Variants in ADAMTSL1 observed in about 807,000 individuals in gnomAD.
ADAMTSL1 encodes ADAMTS-like protein 1.
Under a neutral mutation model 201.8 loss-of-function variants are expected in ADAMTSL1, and 126 were observed. The observed-to-expected ratio is 0.62, with a 90% CI of 0.54 to 0.72. ADAMTSL1 has a LOEUF of 0.72. Ranked by LOEUF, ADAMTSL1 falls within the 30% of genes least tolerant of loss-of-function variation. ADAMTSL1 has a pLI of 0.00. For synonymous variants in ADAMTSL1, 1,121 were observed against 903.4 expected (o/e 1.24, Z -4.32); for missense variants, 2,679 against 2,277.8 (o/e 1.18, Z -3.59).
At chr9:18,262,388 C>T (rs569366579) in intron 2 of ADAMTSL1, among the ~76,000 whole-genome samples, 18 of 152,260 alleles carry the variant, frequency 1.2e-4, no homozygotes, top group South Asian at 2.1e-4. Flanking sequence ...TTCAAGAGAA[C>T]GTGAAAATCC....
intron 20 of ADAMTSL1, among the ~76,000 whole-genome samples, chr9:18,796,061 G>A (rs1257202098): frequency 6.6e-6 from 1 of 152,136 alleles, no homozygotes; most frequent in African/African-American, 2.4e-5. Flanking sequence ...TATCCATTGA[G>A]GTTAGACAAT....
chr9:18,370,692 T>C (rs1320354130), intron 2 of ADAMTSL1, among the ~76,000 whole-genome samples: 1 of 125,930 alleles, frequency 7.9e-6, no homozygotes, highest in Non-Finnish European at 1.6e-5. Context: ...GTAGAGCGTC[T>C]TTTTTTTTTT....
chr9:18,175,107 A>G (rs1393001397), intron 2 of ADAMTSL1, among the ~76,000 whole-genome samples: 3 of 152,180 alleles, frequency 2.0e-5, no homozygotes, highest in Non-Finnish European at 4.4e-5. Flanking sequence ...AGAGCTGAAA[A>G]CCTGAGGAGG....
intron 1 of ADAMTSL1, among the ~76,000 whole-genome samples, chr9:17,963,772 T>A (rs1817855262): frequency 6.6e-6 from 1 of 152,076 alleles, no homozygotes; most frequent in South Asian, 2.1e-4. Flanking sequence ...TGTTAATAGA[T>A]CCCTTCATTT....
chr9:18,460,666 T>C (rs1820776354), intron 2 of ADAMTSL1, among the ~76,000 whole-genome samples: 1 of 152,210 alleles, frequency 6.6e-6, no homozygotes, highest in Admixed American at 6.5e-5. Flanking sequence ...TCAGCTTCTT[T>C]TCATTGCTTT....
intron 20 of ADAMTSL1, among the ~76,000 whole-genome samples, chr9:18,806,156 C>T (rs1490045738): frequency 1.3e-5 from 2 of 152,182 alleles, no homozygotes; most frequent in African/African-American, 4.8e-5. Flanking sequence ...TTCATTAAGC[C>T]TGGGTTAAAT....
At chr9:18,262,524 T>G (rs1831963430) in intron 2 of ADAMTSL1, among the ~76,000 whole-genome samples, 1 of 152,198 alleles carries the variant, frequency 6.6e-6, no homozygotes, top group Non-Finnish European at 1.5e-5. Context: ...CCACTGAGCT[T>G]CTTCTATTCT....
chr9:18,541,930 T>C (rs1383043826), intron 3 of ADAMTSL1, among the ~76,000 whole-genome samples: 2 of 152,210 alleles, frequency 1.3e-5, no homozygotes, highest in Non-Finnish European at 2.9e-5. Context: ...TTGTTAAAAG[T>C]TTAAAAAAGC....
At chr9:18,106,209 C>G (rs970632892) in intron 1 of ADAMTSL1, among the ~76,000 whole-genome samples, 3 of 152,200 alleles carry the variant, frequency 2.0e-5, no homozygotes, top group Non-Finnish European at 2.9e-5. Context: ...ATCTTGTTCT[C>G]CCTGCTTCTG....
At position 18,680,421 on chromosome 9, in the gene ADAMTSL1, G is replaced by C. The variant is rs1342702139; in HGVS notation, c.1246G>C (p.Glu416Gln). The change falls in exon 11 of 29, where the codon GAA (glutamate) becomes CAA (glutamine). Residue 416 changes from glutamate to glutamine, a missense_variant. Physicochemically the swap from Glu to Gln is conservative, Grantham distance 29. Coordinates refer to ENST00000380548, the MANE Select transcript of ADAMTSL1 (RefSeq NM_001040272.6). Reference sequence around the variant, plus strand: ...CATCCAGGGGCATGTCACTTCAGTGGAAGAGTGGAAATGCATGTACACCCC... The same window carrying C: ...CATCCAGGGGCATGTCACTTCAGTGCAAGAGTGGAAATGCATGTACACCCC... ...EDIQGHVTSV[E>Q]EWKCMYTPKM... The C allele has an allele frequency of 6.2e-7, 1 of 1,614,178 alleles. No homozygotes were observed. The highest frequency in any genetic ancestry group is 2.2e-5 in the East Asian group (1 of 44,882).
intron 1 of ADAMTSL1, among the ~76,000 whole-genome samples, chr9:18,112,700 C>A (rs1215819117): frequency 6.6e-6 from 1 of 152,092 alleles, no homozygotes; most frequent in African/African-American, 2.4e-5. Flanking sequence ...GCACAATACA[C>A]AGCAGTTATT....
chr9:18,580,276 C>A (rs1823015339), intron 4 of ADAMTSL1, among the ~76,000 whole-genome samples: 1 of 152,066 alleles, frequency 6.6e-6, no homozygotes, highest in Non-Finnish European at 1.5e-5. Context: ...TCAAAATGAA[C>A]CATATTTCTA....
chr9:18,138,155 A>G (rs1012206204), intron 1 of ADAMTSL1, among the ~76,000 whole-genome samples: 2 of 152,146 alleles, frequency 1.3e-5, no homozygotes, highest in Admixed American at 6.6e-5. Context: ...GGGTGATGGA[A>G]CTCACCTCAT....
intron 2 of ADAMTSL1, among the ~76,000 whole-genome samples, chr9:18,382,161 T>C (rs575367417): frequency 2.0e-5 from 3 of 152,232 alleles, no homozygotes; most frequent in African/African-American, 4.8e-5. Flanking sequence ...CCTTGGAAAA[T>C]GAGTGGCTTT....
At chr9:18,024,852 C>T (rs1161340622) in intron 1 of ADAMTSL1, among the ~76,000 whole-genome samples, 1 of 152,086 alleles carries the variant, frequency 6.6e-6, no homozygotes, top group East Asian at 1.9e-4. Context: ...AATTGTTTTC[C>T]AGAGAGGGTG....
intron 2 of ADAMTSL1, among the ~76,000 whole-genome samples, chr9:18,284,509 G>A (rs1430131173): frequency 2.0e-5 from 3 of 152,066 alleles, no homozygotes; most frequent in African/African-American, 7.2e-5. Context: ...TTAATGAAAT[G>A]TCTGCACTAT....
chr9:18,056,030 C>CA lies in ADAMTSL1; in HGVS notation c.88-107831dup, dbSNP rs1822165616. On this transcript the variant is annotated intron_variant, in intron 1 of 29. Coordinates refer to the ADAMTSL1 transcript ENST00000680146. The stretch of plus-strand genomic sequence containing the variant: ...TTGACCAGATAACCATGAGCAAAAA[C>CA]AGTTTCCTGGGATCTGCTGTACAGG... Among the ~76,000 whole-genome samples the CA allele has an allele frequency of 3.9e-5, 6 of 152,276 alleles. No individual in the cohort carries two copies. The South Asian group carries it at 1.2e-3, about 32-fold the overall frequency.
intron 2 of ADAMTSL1, among the ~76,000 whole-genome samples, chr9:18,215,949 C>T (rs756442191): frequency 3.3e-5 from 5 of 152,134 alleles, no homozygotes; most frequent in Admixed American, 6.5e-5. Flanking sequence ...GAGTCCATTA[C>T]GAGAACTGAG....
intron 2 of ADAMTSL1, among the ~76,000 whole-genome samples, chr9:18,433,371 T>C (rs908281842): frequency 5.3e-5 from 8 of 152,110 alleles, no homozygotes; most frequent in Non-Finnish European, 1.0e-4. Context: ...AATGACTCCA[T>C]ATTTCCTCAG....
Sources: allele counts gnomAD v4.1 joint callset (sites outside exome capture counted in the v4.1 genomes callset), GRCh38; gene constraint gnomAD v4.1.1; transcripts MANE v1.5; gene names NCBI Gene and HGNC (gene_info 2026-07-23, HGNC 2026-07-21).